The following DOCK2 variants were observed in gnomAD, a reference collection of about 807,000 sequenced individuals.
The protein encoded by DOCK2 is dedicator of cytokinesis 2.
Under a neutral mutation model 248.9 loss-of-function variants are expected in DOCK2, and 87 were observed. That is an observed-to-expected ratio of 0.35 (90% CI 0.29 to 0.42). The LOEUF (loss-of-function observed/expected upper bound fraction) is 0.42. DOCK2 is among the 10% of genes least tolerant of loss of function. The pLI is 1.00. For synonymous variants in DOCK2, 805 were observed against 821.6 expected (o/e 0.98, Z 0.35); for missense variants, 1,747 against 2,300.2 (o/e 0.76, Z 4.92).
intron 7 of DOCK2, among the ~76,000 whole-genome samples, chr5:169,682,750 C>T (rs979258731): frequency 3.3e-5 from 5 of 152,114 alleles, no homozygotes; most frequent in Admixed American, 3.3e-4. Flanking sequence ...GGATAAACAT[C>T]GTGACAATCA....
At chr5:169,852,982 CA>C (rs926784459) in intron 27 of DOCK2, among the ~76,000 whole-genome samples, 4 of 152,182 alleles carry the variant, frequency 2.6e-5, no homozygotes, top group African/African-American at 9.7e-5. Context: ...TGTCCCCACC[CA>C]AATCTCATCT....
At chr5:170,018,543 A>G (rs1185825237) in intron 32 of DOCK2, among the ~76,000 whole-genome samples, 1 of 152,246 alleles carries the variant, frequency 6.6e-6, no homozygotes, top group African/African-American at 2.4e-5. Context: ...TTCTCATTTC[A>G]TAAAACAGTT....
At chr5:169,637,460 T>TGGGCA (rs1756887650) in intron 1 of DOCK2, 91 bp downstream of exon 1, 5 of 1,262,158 alleles carry the variant, frequency 4.0e-6, no homozygotes, top group Non-Finnish European at 5.0e-6. Flanking sequence ...CGGCGCGGGG[T>TGGGCA]GGGCAGGGCG....
intron 1 of DOCK2, among the ~76,000 whole-genome samples, chr5:169,653,050 G>T (rs976384589): frequency 1.1e-4 from 16 of 152,176 alleles, no homozygotes; most frequent in African/African-American, 3.9e-4. Flanking sequence ...ATGACCTTGG[G>T]CAAGGCAAGT....
rs1032250398 is a variant in DOCK2 at position 169,717,597 on chromosome 5, T to C, written c.2132+113T>C. 6 of 931,634 alleles carry C rather than the reference T, an allele frequency of 6.4e-6. No individual in the cohort carries two copies. The Admixed American group carries it at 7.6e-5, about 12-fold the overall frequency. The allele number at this position is 931,634 out of a possible 1,614,324, so 57.7% of individuals were successfully genotyped here. ...TTTTGTGACTCATCTGTGTGAGCTC[T>C]CCATTCTCTAACAAAATCTAACCTA... On this transcript the variant is annotated intron_variant, in intron 21 of 51. Coordinates refer to ENST00000520908, the MANE Select transcript of DOCK2 (RefSeq NM_004946.3).
chr5:169,844,019 C>G (rs756623825), intron 27 of DOCK2, among the ~76,000 whole-genome samples: 7 of 152,202 alleles, frequency 4.6e-5, no homozygotes, highest in Non-Finnish European at 1.0e-4. Flanking sequence ...TGAACATTCA[C>G]AAACAAGTGT....
chr5:169,723,680 T>TCA (rs1392097252), intron 22 of DOCK2, among the ~76,000 whole-genome samples: 1 of 152,198 alleles, frequency 6.6e-6, no homozygotes, highest in Admixed American at 6.5e-5. Context: ...GTTAACTCCC[T>TCA]CACCATTTTT....
chr5:169,721,094 C>T (rs908755882), intron 22 of DOCK2, among the ~76,000 whole-genome samples: 6 of 152,200 alleles, frequency 3.9e-5, no homozygotes, highest in South Asian at 2.1e-4. Context: ...TACATTTGTG[C>T]ATTTGTTTTG....
chr5:169,867,367 G>A (rs773367349), intron 27 of DOCK2, among the ~76,000 whole-genome samples: 1 of 152,190 alleles, frequency 6.6e-6, no homozygotes, highest in Non-Finnish European at 1.5e-5. Context: ...TGTAACAAGG[G>A]CTATGGGAGT....
At chr5:169,881,403 G>A in intron 27 of DOCK2, 1 of 1,551,510 alleles carries the variant, frequency 6.4e-7, no homozygotes, top group Non-Finnish European at 8.7e-7. Context: ...GGCAGGTACT[G>A]CAATTGTTGA....
intron 32 of DOCK2, among the ~76,000 whole-genome samples, chr5:170,014,329 A>G (rs1753235941): frequency 6.6e-6 from 1 of 152,226 alleles, no homozygotes; most frequent in African/African-American, 2.4e-5. Context: ...TAGAAATAGG[A>G]TACAAGCCTT....
chr5:169,690,052 AT>A (rs530581976), intron 9 of DOCK2, among the ~76,000 whole-genome samples: 6,330 of 134,940 alleles, frequency 0.047, 131 homozygotes, highest in African/African-American at 0.081. Flanking sequence ...GAAGAGTGTG[AT>A]TTTTTTTTTT....
intron 27 of DOCK2, among the ~76,000 whole-genome samples, chr5:169,864,101 G>A (rs969275580): frequency 6.6e-6 from 1 of 152,180 alleles, no homozygotes; most frequent in African/African-American, 2.4e-5. Context: ...TAAGGATCGT[G>A]GTCAGGTGTC....
intron 26 of DOCK2, among the ~76,000 whole-genome samples, chr5:169,832,519 T>A (rs1769294056): frequency 6.6e-6 from 1 of 152,212 alleles, no homozygotes; most frequent in Non-Finnish European, 1.5e-5. Flanking sequence ...TGGCTGCCTC[T>A]GAAGCTTGCT....
intron 27 of DOCK2, chr5:169,882,801 G>C: frequency 1.9e-6 from 3 of 1,551,640 alleles, no homozygotes; most frequent in Non-Finnish European, 2.6e-6. Context: ...ACTCCAGTGT[G>C]TCTGACTCGG....
intron 27 of DOCK2, chr5:169,934,933 A>G (rs778977736): frequency 6.1e-6 from 2 of 330,160 alleles, no homozygotes; most frequent in African/African-American, 4.4e-5. Context: ...AGAAAGTAGT[A>G]TAGAAAGTGA....
chr5:169,761,340 T>C, intron 24 of DOCK2, 179 bp from the exon 25 acceptor site: 2 of 601,226 alleles, frequency 3.3e-6, no homozygotes, highest in South Asian at 2.1e-5. Context: ...TTAATGCTAC[T>C]AATATTCTAT....
chr5:169,882,101 G>C (rs983684237), intron 27 of DOCK2, among the ~76,000 whole-genome samples: 1 of 152,182 alleles, frequency 6.6e-6, no homozygotes, highest in Non-Finnish European at 1.5e-5. Context: ...CAGTACAGGG[G>C]AAGGTCAATA....
intron 23 of DOCK2, among the ~76,000 whole-genome samples, chr5:169,751,131 T>A (rs1763874780): frequency 6.7e-6 from 1 of 149,576 alleles, no homozygotes; most frequent in African/African-American, 2.5e-5. Context: ...TAGTTTGGTT[T>A]AAATCATTTT....
Sources: allele counts gnomAD v4.1 joint callset (sites outside exome capture counted in the v4.1 genomes callset), GRCh38; gene constraint gnomAD v4.1.1; transcripts MANE v1.5; gene names NCBI Gene and HGNC (gene_info 2026-07-23, HGNC 2026-07-21).